The following NLRC4 variants were observed in gnomAD, a reference collection of about 807,000 sequenced individuals.
NLRC4 encodes NLR family CARD domain containing 4.
NLRC4 carries 63 observed loss-of-function variants against 79.9 expected under a neutral mutation model. The observed-to-expected ratio is 0.79, with a 90% confidence interval of 0.64 to 0.97. The LOEUF (loss-of-function observed/expected upper bound fraction) is 0.97. NLRC4 is among the 50% of genes least tolerant of loss of function. The probability of loss-of-function intolerance (pLI) is 0.00; values close to 1 mark genes in which losing one functional copy is unlikely to be tolerated. For missense variants in NLRC4, 1,074 were observed against 1,215.2 expected, an observed-to-expected ratio of 0.88 and a Z score of 1.73; for synonymous variants, 461 against 456.5, an observed-to-expected ratio of 1.01 and a Z score of -0.12.
At chr2:32,233,840 T>G (rs1686610720) in intron 8 of NLRC4, among the ~76,000 whole-genome samples, 1 of 152,198 alleles carries the variant, frequency 6.6e-6, no homozygotes, top group South Asian at 2.1e-4. Context: ...TCTTTGTTGA[T>G]TCTCTGTCTG....
chr2:32,226,641 G>A (rs912014951), intron 8 of NLRC4, among the ~76,000 whole-genome samples: 5 of 152,208 alleles, frequency 3.3e-5, no homozygotes, highest in African/African-American at 1.2e-4. Context: ...AGCACTTTGG[G>A]AGGCCAAGGC....
intron 8 of NLRC4, among the ~76,000 whole-genome samples, chr2:32,234,710 G>T (rs1240458594): frequency 6.6e-6 from 1 of 152,232 alleles, no homozygotes; most frequent in African/African-American, 2.4e-5. Context: ...CCAACAGCCA[G>T]TGTTAACTTG....
At chr2:32,226,520 C>T (rs1055844526) in intron 8 of NLRC4, among the ~76,000 whole-genome samples, 1 of 152,224 alleles carries the variant, frequency 6.6e-6, no homozygotes, top group African/African-American at 2.4e-5. Flanking sequence ...GCCTTCATGT[C>T]TCTTACCCAT....
chr2:32,238,439 A>G, intron 5 of NLRC4, 137 bp from the exon 6 acceptor site: 2 of 707,374 alleles, frequency 2.8e-6, no homozygotes, highest in Non-Finnish European at 2.3e-6. Context: ...TTTAAGTTAC[A>G]AAGAATCAAC....
rs1686715794 is a variant in NLRC4 at position 32,238,240 on chromosome 2, C to A, written c.2413G>T (p.Gly805Ter). Residue 805 changes from glycine to a stop codon, truncating the protein, a stop_gained, in exon 6 of 9, where the codon GGA becomes TGA. Transcript: ENST00000402280. LOFTEE classifies it high-confidence loss of function. ...TTGACTATGTAATCCATTCCCTCTC[C>A]AATGTCAGACAAGTGGGTCAAATGA... ...LFHLTHLSDI[G>*]EGMDYIVKSL... 6.2e-7 allele frequency: 1 copy of A among 1,613,088 alleles called. No homozygotes were observed. Among genetic ancestry groups the A allele is most frequent in the African/African-American group, 1.3e-5 (1 of 74,998 alleles).
chr2:32,247,701 A>G (rs1316855965), intron 4 of NLRC4, among the ~76,000 whole-genome samples: 1 of 152,120 alleles, frequency 6.6e-6, no homozygotes, highest in African/African-American at 2.4e-5. Flanking sequence ...CAATCAGACT[A>G]CAGCTCTGGG....
intron 8 of NLRC4, among the ~76,000 whole-genome samples, chr2:32,231,401 T>A (rs1373377259): frequency 6.6e-6 from 1 of 152,042 alleles, no homozygotes; most frequent in African/African-American, 2.4e-5. Context: ...GTGATCCACC[T>A]GCCTCAACCT....
chr2:32,262,978 A>C (rs1458941873), intron 1 of NLRC4, among the ~76,000 whole-genome samples: 1 of 151,682 alleles, frequency 6.6e-6, no homozygotes, highest in Non-Finnish European at 1.5e-5. Flanking sequence ...GGCCTCCCAA[A>C]GTGCTGGGAT....
At chr2:32,235,260 G>C (rs533296691) in intron 8 of NLRC4, 141 bp downstream of exon 8, 2 of 639,652 alleles carry the variant, frequency 3.1e-6, no homozygotes, top group Non-Finnish European at 2.8e-6. Flanking sequence ...TTACTCTAAC[G>C]TGAATGAATT....
chr2:32,254,896 G>T (rs1463176765), intron 2 of NLRC4, among the ~76,000 whole-genome samples: 1 of 151,702 alleles, frequency 6.6e-6, no homozygotes, highest in African/African-American at 2.4e-5. Context: ...AGGATTACAG[G>T]CATGAGCCAC....
intron 1 of NLRC4, among the ~76,000 whole-genome samples, chr2:32,262,725 A>G (rs1030282910): frequency 6.6e-6 from 1 of 151,904 alleles, no homozygotes; most frequent in Non-Finnish European, 1.5e-5. Context: ...TCAGTGAGCC[A>G]AGATAGCACC....
intron 2 of NLRC4, among the ~76,000 whole-genome samples, chr2:32,253,964 CAAAAA>C (rs71407436): frequency 9.3e-6 from 1 of 107,946 alleles, no homozygotes; most frequent in African/African-American, 3.7e-5. Context: ...AACTCTGTCT[CAAAAA>C]AAAAAAAAAA....
chr2:32,254,048 T>C (rs1001769558), intron 2 of NLRC4, among the ~76,000 whole-genome samples: 7 of 151,780 alleles, frequency 4.6e-5, no homozygotes, highest in Admixed American at 6.6e-5. Context: ...CCCTAATTTG[T>C]AGCATTCACC....
rs748691502 is a variant in NLRC4, at chr2:32,238,310, A to T, written c.2351-8T>A. 1.2e-6 allele frequency: 2 copies of T among 1,607,710 alleles called. No homozygotes were observed. Among genetic ancestry groups the T allele is most frequent in the African/African-American group, 2.7e-5 (2 of 74,724 alleles). ...GGTTTTTCAGGCCTTCAGCTGAAAA[A>T]TGATAGAAAGGAATGCATTAGGATA... On this transcript the variant is annotated splice_polypyrimidine_tract_variant and splice_region_variant and intron_variant, in intron 5 of 8. Transcript: ENST00000402280.
In NLRC4 at chr2:32,246,899, TG is replaced by T. The variant is rs892292130; in HGVS notation, c.2257+2707del. Among the ~76,000 whole-genome samples, 565 of 152,224 alleles carry T rather than the reference TG, an allele frequency of 3.7e-3. 5 individuals are homozygous for T. The highest frequency in any genetic ancestry group is 0.013 in the African/African-American group (556 of 41,546). On this transcript the variant is annotated intron_variant, in intron 4 of 8. Transcript: ENST00000402280. ...CAAGTGATCCTCCCACCTCAGCCTC[TG>T]GAGTATCTGGGATTACAGGCATGCA...
intron 5 of NLRC4, 143 bp from the exon 6 acceptor site, chr2:32,238,445 TCAA>T (rs1686721524): frequency 1.5e-6 from 1 of 675,760 alleles, no homozygotes; most frequent in Non-Finnish European, 2.4e-6. Context: ...TTACAAAGAA[TCAA>T]CGAGAGCTTT....
At chr2:32,229,959 G>T (rs974316364) in intron 8 of NLRC4, among the ~76,000 whole-genome samples, 25 of 152,256 alleles carry the variant, frequency 1.6e-4, no homozygotes, top group African/African-American at 5.8e-4. Flanking sequence ...AGGAGAGATA[G>T]AATGATAACC....
intron 4 of NLRC4, among the ~76,000 whole-genome samples, chr2:32,242,329 A>G (rs1381708714): frequency 1.3e-5 from 2 of 152,238 alleles, no homozygotes; most frequent in Non-Finnish European, 2.9e-5. Flanking sequence ...AAAAGGGGAT[A>G]TCACTACACA....
At chr2:32,225,409 A>ATGTGTGTGTGTG (rs35323064) in intron 8 of NLRC4, among the ~76,000 whole-genome samples, 1 of 149,080 alleles carries the variant, frequency 6.7e-6, no homozygotes, top group South Asian at 2.2e-4. Flanking sequence ...CATACAAAGG[A>ATGTGTGTGTGTG]TGTGTGTGTG....
Sources: gnomAD v4.1 joint callset for allele counts (sites outside exome capture counted in the v4.1 genomes callset) on GRCh38, gnomAD v4.1.1 for gene constraint, MANE v1.5 for transcripts, NCBI Gene and HGNC (gene_info 2026-07-23, HGNC 2026-07-21) for gene names.